The following NRP1 variants were observed in gnomAD, a reference collection of about 807,000 sequenced individuals.
NRP1 encodes the protein neuropilin-1.
A neutral mutation model predicts 106.7 loss-of-function variants in NRP1; 35 were observed. That is an observed-to-expected ratio of 0.33 (90% confidence interval 0.25 to 0.43). The LOEUF is 0.43. NRP1 is among the 20% of genes least tolerant of loss of function. The pLI, the probability that NRP1 is intolerant of heterozygous loss-of-function variation, is 1.00. For missense variants in NRP1, 1,024 were observed against 1,170.4 expected (o/e 0.87, Z 1.83); for synonymous variants, 437 against 417.9 (o/e 1.05, Z -0.56).
intron 12 of NRP1, among the ~76,000 whole-genome samples, chr10:33,193,247 ATGG>A (rs1303053061): frequency 3.9e-5 from 6 of 152,134 alleles, no homozygotes; most frequent in Non-Finnish European, 8.8e-5. Flanking sequence ...CTGTTGGACT[ATGG>A]TGTTTTTAAA....
At chr10:33,256,547 G>A in intron 4 of NRP1, 76 bp from the exon 5 acceptor site, 1 of 1,517,450 alleles carries the variant, frequency 6.6e-7, no homozygotes, top group Admixed American at 1.7e-5. Context: ...CATTTACAAA[G>A]ATGGGCCCCA....
chr10:33,213,285 G>C, intron 9 of NRP1, 101 bp downstream of exon 9: 3 of 1,613,578 alleles, frequency 1.9e-6, no homozygotes, highest in Non-Finnish European at 2.5e-6. Flanking sequence ...TAATGTCATG[G>C]CTGGAAGGAA....
At chr10:33,256,493 C>T (rs771923961) in intron 4 of NRP1, 22 bp from the exon 5 acceptor site, 82 of 1,608,744 alleles carry the variant, frequency 5.1e-5, no homozygotes, top group Middle Eastern at 1.7e-4. Context: ...GGAATACAGA[C>T]GATGTCAAAA....
rs1391114328 is a variant in NRP1, at chr10:33,177,834, A to G, written c.*2242T>C. On this transcript the variant is annotated 3_prime_UTR_variant, in exon 17 of 17. Coordinates refer to ENST00000374867, the MANE Select transcript of NRP1 (RefSeq NM_003873.7). Reference sequence around the variant, plus strand: ...AAAAATATGTTATTTTACACCTTTAAAAATTACAAAACAATCTAAAACAAT... The same window carrying G: ...AAAAATATGTTATTTTACACCTTTAGAAATTACAAAACAATCTAAAACAAT... The G allele has an allele frequency of 6.6e-6, 1 of 152,618 alleles. No individual in the cohort carries two copies. The allele number at this position is 152,618 out of a possible 1,614,324, so 9.5% of individuals were successfully genotyped here.
intron 7 of NRP1, among the ~76,000 whole-genome samples, chr10:33,222,771 T>G (rs1564397402): frequency 6.6e-6 from 1 of 152,200 alleles, no homozygotes; most frequent in Admixed American, 6.5e-5. Flanking sequence ...GTCATCCTCC[T>G]GCCTCCGTCT....
At chr10:33,290,601 G>A (rs1229292080) in intron 2 of NRP1, among the ~76,000 whole-genome samples, 1 of 152,038 alleles carries the variant, frequency 6.6e-6, no homozygotes, top group Non-Finnish European at 1.5e-5. Context: ...TCTGTGCAAG[G>A]TTTCTTGGAG....
At chr10:33,318,764 G>C (rs141768758) in intron 2 of NRP1, among the ~76,000 whole-genome samples, 1 of 144,184 alleles carries the variant, frequency 6.9e-6, no homozygotes, top group African/African-American at 2.5e-5. Flanking sequence ...AGTTATCGTG[G>C]TTTTGGTGGC....
rs527361837 is a variant in NRP1 at position 33,263,843 on chromosome 10, G to C, written c.461C>G (p.Pro154Arg). 4 of 1,612,720 alleles carry C rather than the reference G, an allele frequency of 2.5e-6. No homozygotes were observed. The highest frequency in any genetic ancestry group is 2.5e-6 in the Non-Finnish European group (3 of 1,178,742). ...TCCGGGGGACTTTATCACTCCACTA[G>C]GTGTTGTGTAGTTCTGGGAACATTC... ...GPECSQNYTTPSGVIKSPGFP... is the reference protein window; with the variant it reads ...GPECSQNYTTRSGVIKSPGFP... The change falls in exon 4 of 17, where the codon CCT (proline) becomes CGT (arginine). Residue 154 changes from proline (P) to arginine (R), a missense_variant. By Grantham distance (103) the Pro-to-Arg change is moderately radical (BLOSUM62 -2). Coordinates refer to ENST00000374867, the MANE Select transcript of NRP1 (RefSeq NM_003873.7).
chr10:33,195,660 A>G (rs1205720012), intron 12 of NRP1: 5 of 496,902 alleles, frequency 1.0e-5, no homozygotes, highest in Non-Finnish European at 2.0e-5. Context: ...CCTGGCTTGA[A>G]GCATGCTCAA....
chr10:33,310,938 C>A (rs531924989), intron 2 of NRP1, among the ~76,000 whole-genome samples: 1 of 152,116 alleles, frequency 6.6e-6, no homozygotes, highest in African/African-American at 2.4e-5. Flanking sequence ...AGTAAAATGA[C>A]GCCAAGACCA....
At chr10:33,257,248 T>A (rs1296136339) in intron 4 of NRP1, among the ~76,000 whole-genome samples, 1 of 152,178 alleles carries the variant, frequency 6.6e-6, no homozygotes, top group Non-Finnish European at 1.5e-5. Context: ...GGCCAAGACA[T>A]CACCAAAAGC....
chr10:33,255,405 C>T (rs987529578), intron 5 of NRP1, among the ~76,000 whole-genome samples: 1 of 152,192 alleles, frequency 6.6e-6, no homozygotes, highest in African/African-American at 2.4e-5. Flanking sequence ...TGCTACTTTA[C>T]AGCCTGGCAG....
intron 6 of NRP1, among the ~76,000 whole-genome samples, chr10:33,229,145 G>A (rs1448333792): frequency 1.3e-5 from 2 of 152,178 alleles, no homozygotes; most frequent in Non-Finnish European, 1.5e-5. Context: ...CATTTGGGCT[G>A]TAGTTACACT....
intron 2 of NRP1, among the ~76,000 whole-genome samples, chr10:33,324,203 A>G (rs911161743): frequency 2.0e-5 from 3 of 152,156 alleles, no homozygotes; most frequent in Admixed American, 6.5e-5. Flanking sequence ...ATGGGGAAAA[A>G]AATCAAAAGG....
intron 6 of NRP1, among the ~76,000 whole-genome samples, chr10:33,252,711 C>G (rs1207867531): frequency 6.6e-6 from 1 of 151,752 alleles, no homozygotes; most frequent in Non-Finnish European, 1.5e-5. Flanking sequence ...TGTGGGAAAA[C>G]AAGTTACCAA....
intron 9 of NRP1, 67 bp downstream of exon 9, chr10:33,213,319 A>C (rs749190082): frequency 6.2e-7 from 1 of 1,614,178 alleles, no homozygotes; most frequent in Non-Finnish European, 8.5e-7. Context: ...CCTCGGGAGA[A>C]TGCCAGAGGC....
intron 10 of NRP1, chr10:33,206,451 A>G: frequency 2.5e-6 from 1 of 392,358 alleles, no homozygotes; most frequent in Non-Finnish European, 5.1e-6. Flanking sequence ...AAACACATTG[A>G]AAAGTAGCTA....
chr10:33,191,070 C>A (rs1836378579), intron 13 of NRP1, among the ~76,000 whole-genome samples: 1 of 152,112 alleles, frequency 6.6e-6, no homozygotes, highest in Non-Finnish European at 1.5e-5. Flanking sequence ...GTTGCCCAGG[C>A]TGGTCTCTAA....
intron 10 of NRP1, among the ~76,000 whole-genome samples, chr10:33,203,254 A>G (rs753121574): frequency 1.2e-4 from 19 of 152,232 alleles, no homozygotes; most frequent in Non-Finnish European, 2.5e-4. Context: ...ATTGTTATCT[A>G]CATAAACATC....
Sources: gnomAD v4.1 joint callset for allele counts (sites outside exome capture counted in the v4.1 genomes callset) on GRCh38, gnomAD v4.1.1 for gene constraint, MANE v1.5 for transcripts, NCBI Gene and HGNC (gene_info 2026-07-23, HGNC 2026-07-21) for gene names.